Variants in ZPBP observed in about 807,000 individuals in gnomAD.
The protein encoded by ZPBP is zona pellucida binding protein.
ZPBP carries 26 observed loss-of-function variants against 44.8 expected under a neutral mutation model. The observed-to-expected ratio is 0.58, with a 90% CI of 0.43 to 0.81. The LOEUF is 0.81. Ranked by LOEUF, ZPBP falls within the 30% of genes least tolerant of loss-of-function variation. The pLI, the probability that ZPBP is intolerant of heterozygous loss-of-function variation, is 0.00. For synonymous variants in ZPBP, 174 were observed against 153.2 expected (o/e 1.14, Z -1.00); for missense variants, 409 against 434.0 (o/e 0.94, Z 0.51).
intron 2 of ZPBP, among the ~76,000 whole-genome samples, chr7:49,888,845 A>G (rs1792010975): frequency 6.6e-6 from 1 of 152,154 alleles, no homozygotes; most frequent in South Asian, 2.1e-4. Context: ...CGGGAGGCGG[A>G]GGTTGCAGTG....
rs1053147468 is a variant in ZPBP, at chr7:50,022,026, C to G, written c.707-3710G>C. ...ATGAAAAACCACAGAGGATAGAAGG[C>G]AGTGGGATGATATATTTAAAGAACT... is the stretch of plus-strand genomic sequence containing the variant. On this transcript the variant is annotated intron_variant, in intron 5 of 7. Coordinates refer to ENST00000046087, the MANE Select transcript of ZPBP (RefSeq NM_007009.3). 7.8e-4 allele frequency among the ~76,000 whole-genome samples: 119 copies of G among 152,052 alleles called. 1 individual carries two copies. The highest frequency in any genetic ancestry group is 2.8e-3 in the African/African-American group (116 of 41,418).
intron 1 of ZPBP, among the ~76,000 whole-genome samples, chr7:49,928,721 C>T (rs573609088): frequency 2.6e-5 from 4 of 152,234 alleles, no homozygotes; most frequent in South Asian, 2.1e-4. Flanking sequence ...TTGTACACAC[C>T]AGTACACCAT....
At chr7:49,872,524 A>T (rs1271777491) in intron 2 of ZPBP, among the ~76,000 whole-genome samples, 1 of 152,062 alleles carries the variant, frequency 6.6e-6, no homozygotes, top group African/African-American at 2.4e-5. Flanking sequence ...GCTTACGGGG[A>T]ATGAAAATTT....
intron 1 of ZPBP, among the ~76,000 whole-genome samples, chr7:49,929,965 G>C (rs1479767851): frequency 1.3e-5 from 2 of 152,162 alleles, no homozygotes; most frequent in South Asian, 2.1e-4. Context: ...CTATTAATCA[G>C]AATTTAAAAA....
intron 7 of ZPBP, among the ~76,000 whole-genome samples, chr7:49,981,272 TATA>T (rs1035534689): frequency 1.1e-4 from 7 of 66,418 alleles, no homozygotes; most frequent in African/African-American, 3.7e-4. Flanking sequence ...ATAGATCAGA[TATA>T]ATATATATTA....
chr7:49,890,175 G>C (rs1444868808), intron 2 of ZPBP, among the ~76,000 whole-genome samples: 1 of 152,128 alleles, frequency 6.6e-6, no homozygotes, highest in African/African-American at 2.4e-5. Flanking sequence ...TCTTAACAAT[G>C]AACAACTGCA....
intron 5 of ZPBP, among the ~76,000 whole-genome samples, chr7:50,026,190 AG>A (rs1156246401): frequency 6.6e-6 from 1 of 151,962 alleles, no homozygotes; most frequent in East Asian, 1.9e-4. Flanking sequence ...AATTGTTACA[AG>A]ATGCAAAGAA....
chr7:50,072,369 T>G (rs972330055), intron 3 of ZPBP, among the ~76,000 whole-genome samples: 2 of 152,234 alleles, frequency 1.3e-5, no homozygotes, highest in Admixed American at 1.3e-4. Context: ...TAAGGTTTTT[T>G]ACTCTAGTCC....
chr7:49,882,724 C>A (rs1791722657), intron 2 of ZPBP, among the ~76,000 whole-genome samples: 3 of 152,242 alleles, frequency 2.0e-5, no homozygotes, highest in African/African-American at 4.8e-5. Flanking sequence ...GTGTAACCTT[C>A]CTAAGGCCAC....
At chr7:49,924,606 G>A (rs893385889) in intron 1 of ZPBP, among the ~76,000 whole-genome samples, 1 of 152,112 alleles carries the variant, frequency 6.6e-6, no homozygotes, top group Non-Finnish European at 1.5e-5. Flanking sequence ...AAGGTCAAAG[G>A]AGAAGTCATA....
In ZPBP at chr7:50,086,998, G is replaced by C. The variant is rs190580142; in HGVS notation, c.208+2631C>G. ...TTTGATTAATAGTTTCTCATAAAAAGTCATAATGAAATAGAAAGTCTGAAT... is the reference window on the plus strand; with the variant it reads ...TTTGATTAATAGTTTCTCATAAAAACTCATAATGAAATAGAAAGTCTGAAT... On this transcript the variant is annotated intron_variant, in intron 2 of 7. Transcript: ENST00000046087. Among the ~76,000 whole-genome samples the C allele has an allele frequency of 2.0e-5, 3 of 152,102 alleles. No individual in the cohort carries two copies. The East Asian group carries it at 5.8e-4, about 29-fold the overall frequency.
At chr7:49,922,273 C>T (rs1203579346) in intron 1 of ZPBP, among the ~76,000 whole-genome samples, 6 of 151,818 alleles carry the variant, frequency 4.0e-5, no homozygotes, top group Non-Finnish European at 7.4e-5. Flanking sequence ...AACCTCATAT[C>T]GAGAAATATG....
chr7:49,920,229 C>T (rs1267555088), intron 1 of ZPBP: 1 of 151,982 alleles, frequency 6.6e-6, no homozygotes, highest in Non-Finnish European at 1.5e-5. Flanking sequence ...AAAACTCAAA[C>T]ATTTTAATAC....
chr7:50,063,580 C>A (rs1466819518), intron 3 of ZPBP, among the ~76,000 whole-genome samples: 1 of 152,072 alleles, frequency 6.6e-6, no homozygotes, highest in Non-Finnish European at 1.5e-5. Flanking sequence ...GGTTTTGAAT[C>A]CTTTAAAGCT....
intron 1 of ZPBP, among the ~76,000 whole-genome samples, chr7:50,090,868 C>G (rs1045124059): frequency 6.6e-6 from 1 of 152,084 alleles, no homozygotes; most frequent in Non-Finnish European, 1.5e-5. Flanking sequence ...GTTCTACTTT[C>G]AGTTCTTTAG....
chr7:49,884,830 T>C (rs1008238030), intron 2 of ZPBP, among the ~76,000 whole-genome samples: 1 of 152,068 alleles, frequency 6.6e-6, no homozygotes, highest in African/African-American at 2.4e-5. Flanking sequence ...AAAAATGATA[T>C]AGACGTCAAT....
At chr7:49,848,865 GT>G (rs1381088858), downstream of ZPBP, among the ~76,000 whole-genome samples, 1 of 152,134 alleles carries the variant, frequency 6.6e-6, no homozygotes, top group Non-Finnish European at 1.5e-5. Flanking sequence ...GTCTAATTCA[GT>G]AGACCAGAAA....
chr7:49,855,678 G>A (rs1004905388), intron 2 of ZPBP, among the ~76,000 whole-genome samples: 12 of 152,166 alleles, frequency 7.9e-5, no homozygotes, highest in Non-Finnish European at 1.8e-4. Context: ...GCCTTGTGGT[G>A]GCAGATGGTG....
At chr7:50,090,262 C>A (rs1017481348) in intron 1 of ZPBP, among the ~76,000 whole-genome samples, 2 of 151,928 alleles carry the variant, frequency 1.3e-5, no homozygotes, top group Non-Finnish European at 2.9e-5. Context: ...GTTTCTCCCA[C>A]CCCCGAGTCC....
Sources: allele counts gnomAD v4.1 joint callset (sites outside exome capture counted in the v4.1 genomes callset), GRCh38; gene constraint gnomAD v4.1.1; transcripts MANE v1.5; gene names NCBI Gene and HGNC (gene_info 2026-07-23, HGNC 2026-07-21).